NAV2: variants seen among roughly 807,000 people sequenced by gnomAD.
The protein encoded by NAV2 is helicase, APC down-regulated 1.
A neutral mutation model predicts 223.2 loss-of-function variants in NAV2; 54 were observed. The observed-to-expected ratio is 0.24, with a 90% confidence interval of 0.19 to 0.30. The LOEUF (loss-of-function observed/expected upper bound fraction) is 0.30. Ranked by LOEUF, NAV2 falls within the 10% of genes least tolerant of loss-of-function variation. The pLI is 1.00. For synonymous variants in NAV2, 1,279 were observed against 1,239.3 expected (o/e 1.03, Z -0.67); for missense variants, 2,806 against 3,147.5 (o/e 0.89, Z 2.60).
At chr11:19,604,676 T>C (rs368189515) in intron 1 of NAV2, among the ~76,000 whole-genome samples, 1 of 152,104 alleles carries the variant, frequency 6.6e-6, no homozygotes, top group African/African-American at 2.4e-5. Flanking sequence ...ATTTTACAGG[T>C]GAAGAAACTA....
chr11:19,685,470 G>A (rs1224143008), intron 1 of NAV2, among the ~76,000 whole-genome samples: 2 of 152,102 alleles, frequency 1.3e-5, no homozygotes, highest in Non-Finnish European at 2.9e-5. Context: ...CCGGGCTGAG[G>A]AGTCAAGCTC....
At chr11:19,573,617 C>A (rs941069388) in intron 1 of NAV2, among the ~76,000 whole-genome samples, 1 of 152,172 alleles carries the variant, frequency 6.6e-6, no homozygotes, top group Non-Finnish European at 1.5e-5. Flanking sequence ...TTCACAGAAG[C>A]CTTATGGATG....
intron 1 of NAV2, among the ~76,000 whole-genome samples, chr11:19,645,364 TC>T (rs1193201655): frequency 5.9e-5 from 9 of 152,196 alleles, no homozygotes; most frequent in African/African-American, 2.2e-4. Flanking sequence ...CAGGAGATTC[TC>T]CCTATCTCAG....
intron 1 of NAV2, among the ~76,000 whole-genome samples, chr11:19,425,578 T>A (rs1235643576): frequency 6.6e-6 from 1 of 152,200 alleles, no homozygotes; most frequent in Non-Finnish European, 1.5e-5. Flanking sequence ...TCTCTGTTTA[T>A]TTTACGTGGT....
chr11:19,679,854 C>T (rs1178806265), intron 1 of NAV2, among the ~76,000 whole-genome samples: 1 of 152,192 alleles, frequency 6.6e-6, no homozygotes, highest in Non-Finnish European at 1.5e-5. Context: ...TAGAACTTAA[C>T]ACATAATGTG....
At chr11:19,427,310 C>T (rs184984891) in intron 1 of NAV2, among the ~76,000 whole-genome samples, 10 of 152,366 alleles carry the variant, frequency 6.6e-5, no homozygotes, top group South Asian at 4.1e-4. Flanking sequence ...CAGCTCCTGG[C>T]GCACAGCAGG....
intron 1 of NAV2, among the ~76,000 whole-genome samples, chr11:19,651,691 C>T (rs1305479732): frequency 1.3e-5 from 2 of 152,192 alleles, no homozygotes; most frequent in Non-Finnish European, 2.9e-5. Flanking sequence ...CACTTAGCAC[C>T]ATGTGGCATG....
chr11:20,106,183 G>GTATA lies in NAV2; in HGVS notation c.6841+500_6841+503dup, dbSNP rs1182631250. ...TATATATATATATATATATGTGTGT[G>GTATA]TATATATATATATATATATATATAT... On this transcript the variant is annotated intron_variant, in intron 35 of 37. Transcript: ENST00000349880. 4.3e-3 allele frequency among the ~76,000 whole-genome samples: 110 copies of GTATA among 25,502 alleles called. 4 individuals are homozygous for GTATA. Among genetic ancestry groups the GTATA allele is most frequent in the African/African-American group, 5.7e-3 (55 of 9,690 alleles). 16.7% of individuals were successfully genotyped at this position (25,502 alleles called of 152,430 possible).
At chr11:19,668,532 CAAAAAAAA>C (rs762975832) in intron 1 of NAV2, among the ~76,000 whole-genome samples, 5 of 64,902 alleles carry the variant, frequency 7.7e-5, no homozygotes, top group Admixed American at 4.7e-4. Flanking sequence ...GACTCGGTCT[CAAAAAAAA>C]AAAAAAAAAA....
intron 10 of NAV2, among the ~76,000 whole-genome samples, chr11:19,950,391 G>A (rs1221933402): frequency 1.3e-5 from 2 of 152,246 alleles, no homozygotes; most frequent in Middle Eastern, 3.2e-3. Flanking sequence ...GATGAGGAAG[G>A]TGAAGTCCAG....
At position 19,933,155 on chromosome 11, in the gene NAV2, T is replaced by G; in HGVS notation, c.932-21T>G. ...CAGGTCAACAAGTATGATTCAGGCC[T>G]CCTCTCTTCTGTCTCTGCAGAGCCT... On this transcript the variant is annotated intron_variant, in intron 6 of 37. Coordinates refer to ENST00000349880, the MANE Select transcript of NAV2 (RefSeq NM_145117.5). This position sits in a 1 kb window ranked among gnomAD's most constrained non-coding sequence, Gnocchi z 4.3. The G allele has an allele frequency of 6.7e-7, 1 of 1,502,026 alleles. No homozygotes were observed. The highest frequency in any genetic ancestry group is 8.9e-7 in the Non-Finnish European group (1 of 1,124,004). 93.0% of individuals were successfully genotyped at this position (1,502,026 alleles called of 1,614,324 possible).
intron 1 of NAV2, among the ~76,000 whole-genome samples, chr11:19,668,481 C>CAA (rs2048485284): frequency 3.1e-5 from 4 of 127,150 alleles, no homozygotes; most frequent in Non-Finnish European, 6.3e-5. Flanking sequence ...TGCAGTGAGC[C>CAA]GAATTCATGC....
At chr11:19,570,114 A>G (rs920537177) in intron 1 of NAV2, among the ~76,000 whole-genome samples, 1 of 152,090 alleles carries the variant, frequency 6.6e-6, no homozygotes, top group African/African-American at 2.4e-5. Flanking sequence ...ACATTATTGG[A>G]GATGAGGGGA....
chr11:19,574,672 G>A (rs1336249300), intron 1 of NAV2, among the ~76,000 whole-genome samples: 1 of 152,170 alleles, frequency 6.6e-6, no homozygotes, highest in Non-Finnish European at 1.5e-5. Context: ...GAATACAGCT[G>A]TGAGCAAGAC....
chr11:19,959,936 C>T (rs1323753161), intron 10 of NAV2, among the ~76,000 whole-genome samples: 1 of 152,202 alleles, frequency 6.6e-6, no homozygotes, highest in Non-Finnish European at 1.5e-5. Flanking sequence ...GGGCTCTTCA[C>T]TGGCAAGCAG....
intron 1 of NAV2, among the ~76,000 whole-genome samples, chr11:19,450,625 T>C (rs927614717): frequency 6.6e-6 from 1 of 152,368 alleles, no homozygotes; most frequent in South Asian, 2.1e-4. Flanking sequence ...ACCACACATG[T>C]ATAGTTTCAC....
chr11:19,536,929 A>G (rs2044206401), intron 1 of NAV2, among the ~76,000 whole-genome samples: 1 of 152,240 alleles, frequency 6.6e-6, no homozygotes, highest in Admixed American at 6.5e-5. Flanking sequence ...GACAAGAATT[A>G]TAGTAGACCA....
intron 11 of NAV2, among the ~76,000 whole-genome samples, chr11:20,035,430 A>G (rs1362663923): frequency 6.6e-6 from 1 of 152,204 alleles, no homozygotes; most frequent in East Asian, 1.9e-4. Context: ...TGGGGATATT[A>G]TTAGAGTTAG....
intron 1 of NAV2, among the ~76,000 whole-genome samples, chr11:19,820,628 T>G (rs1311463065): frequency 6.6e-6 from 1 of 152,244 alleles, no homozygotes; most frequent in Non-Finnish European, 1.5e-5. Flanking sequence ...GCTGGTCAGC[T>G]TGAGTCAGAG....
Sources: allele counts gnomAD v4.1 joint callset (sites outside exome capture counted in the v4.1 genomes callset), GRCh38; gene constraint gnomAD v4.1.1; non-coding constraint Gnocchi (gnomAD v3.1); transcripts MANE v1.5; gene names NCBI Gene and HGNC (gene_info 2026-07-23, HGNC 2026-07-21).